CTIF: variants seen among roughly 807,000 people sequenced by gnomAD.
The protein encoded by CTIF is CBP80/20-dependent translation initiation factor.
Under a neutral mutation model 66.0 loss-of-function variants are expected in CTIF, and 21 were observed. The ratio of observed to expected loss-of-function variants is 0.32; its 90% CI spans 0.23 to 0.46. The LOEUF is 0.46. Among genes scored for constraint, CTIF ranks in the 20% least tolerant of loss-of-function variants. The pLI is 1.00. For synonymous variants in CTIF, 345 were observed against 326.4 expected, an observed-to-expected ratio of 1.06 and a Z score of -0.62; for missense variants, 739 against 812.7, an observed-to-expected ratio of 0.91 and a Z score of 1.10.
chr18:48,598,707 A>G (rs1442632062), intron 1 of CTIF, among the ~76,000 whole-genome samples: 1 of 152,218 alleles, frequency 6.6e-6, no homozygotes, highest in African/African-American at 2.4e-5. Flanking sequence ...AGAGGGTTCT[A>G]TAACAGCACG....
Position 48,705,335 on chromosome 18 carries a change from C to T in CTIF, c.508-6284C>T, listed in dbSNP as rs182578296. The stretch of plus-strand genomic sequence containing the variant: ...TCTGCCTCACTCCAAACACTGCCTC[C>T]GTCTTCACATGGCCTTCATCCCTCT... On this transcript the variant is annotated intron_variant, in intron 6 of 11. Transcript: ENST00000256413. 1.4e-3 allele frequency among the ~76,000 whole-genome samples: 208 copies of T among 152,312 alleles called. 1 individual carries two copies. Among genetic ancestry groups the T allele is most frequent in the African/African-American group, 4.7e-3 (194 of 41,572 alleles).
intron 1 of CTIF, among the ~76,000 whole-genome samples, chr18:48,615,759 A>G (rs1295107860): frequency 6.6e-6 from 1 of 152,176 alleles, no homozygotes; most frequent in African/African-American, 2.4e-5. Context: ...ACTGCAGAGG[A>G]AGCCTGGACA....
intron 8 of CTIF, among the ~76,000 whole-genome samples, chr18:48,759,581 C>T (rs188093448): frequency 7.0e-4 from 107 of 152,342 alleles, no homozygotes; most frequent in Non-Finnish European, 1.5e-4. Flanking sequence ...CCTCACTTTG[C>T]CTTTGACTGG....
At chr18:48,747,314 C>G (rs1026576242) in intron 7 of CTIF, among the ~76,000 whole-genome samples, 2 of 152,242 alleles carry the variant, frequency 1.3e-5, no homozygotes, top group Non-Finnish European at 2.9e-5. Context: ...GCCCCATCTT[C>G]TGCCCCAGCA....
chr18:48,541,123 C>T (rs2088606504), intron 1 of CTIF, among the ~76,000 whole-genome samples: 3 of 152,188 alleles, frequency 2.0e-5, no homozygotes, highest in Admixed American at 2.0e-4. Context: ...CCGCGCTCGC[C>T]GCCGCTGCCT....
chr18:48,683,801 G>T (rs573731462), intron 6 of CTIF, among the ~76,000 whole-genome samples: 1 of 152,212 alleles, frequency 6.6e-6, no homozygotes, highest in Non-Finnish European at 1.5e-5. Context: ...GCCTGGCCGG[G>T]ATCCAGGGAG....
At chr18:48,818,054 T>C (rs962402314) in intron 10 of CTIF, among the ~76,000 whole-genome samples, 1 of 152,236 alleles carries the variant, frequency 6.6e-6, no homozygotes, top group Non-Finnish European at 1.5e-5. Flanking sequence ...CATATTTTCT[T>C]CTAAATTTCA....
chr18:48,856,195 G>A (rs1036582835), intron 10 of CTIF, among the ~76,000 whole-genome samples: 2 of 152,204 alleles, frequency 1.3e-5, no homozygotes, highest in African/African-American at 4.8e-5. Flanking sequence ...TCAGGCACTC[G>A]GTGTCAGCAC....
At chr18:48,767,871 C>G (rs1170003304) in intron 9 of CTIF, among the ~76,000 whole-genome samples, 3 of 152,178 alleles carry the variant, frequency 2.0e-5, no homozygotes, top group Admixed American at 2.0e-4. Context: ...AGTGGTGACT[C>G]TGTGGGATCT....
At chr18:48,679,121 A>G (rs2091696185) in intron 6 of CTIF, among the ~76,000 whole-genome samples, 1 of 152,246 alleles carries the variant, frequency 6.6e-6, no homozygotes. Flanking sequence ...TCTGAGAGTT[A>G]AAACAGGTGG....
At chr18:48,722,273 T>G (rs1037732237) in intron 7 of CTIF, among the ~76,000 whole-genome samples, 2 of 144,750 alleles carry the variant, frequency 1.4e-5, no homozygotes, top group Non-Finnish European at 3.0e-5. Flanking sequence ...GGAGTTGCAG[T>G]GGCACAATTA....
Position 48,859,364 on chromosome 18 carries a change from G to C in CTIF, c.1602G>C (p.Leu534=), listed in dbSNP as rs2069405195. 6.2e-7 allele frequency: 1 copy of C among 1,614,082 alleles called. No individual in the cohort carries two copies. Among genetic ancestry groups the C allele is most frequent in the Non-Finnish European group, 8.5e-7 (1 of 1,180,026 alleles). Residue 534 remains leucine, a synonymous_variant, in exon 12 of 12, where the codon CTG becomes CTC. Coordinates refer to ENST00000256413, the MANE Select transcript of CTIF (RefSeq NM_014772.3). ...CSMELQSTGR[L]LEEQLPEMMT... is the part of the protein sequence containing the mutation. ...TGCAGCTGCAGAGTACAGGCCGGCT[G>C]CTGGAGGAACAGCTGCCTGAGATGA...
chr18:48,787,219 G>A (rs997829036), intron 9 of CTIF, among the ~76,000 whole-genome samples: 1 of 152,192 alleles, frequency 6.6e-6, no homozygotes, highest in African/African-American at 2.4e-5. Flanking sequence ...ATAGGGCAAA[G>A]GAGGGGCCCA....
intron 9 of CTIF, among the ~76,000 whole-genome samples, chr18:48,794,414 C>T (rs928258083): frequency 1.3e-5 from 2 of 151,978 alleles, no homozygotes; most frequent in Admixed American, 6.6e-5. Context: ...AGCTAAGGGC[C>T]TCAGCTAAAC....
rs376890397 is a variant in CTIF, at chr18:48,811,422, T to C, written c.1372-5799T>C. Among the ~76,000 whole-genome samples the C allele has an allele frequency of 3.3e-5, 5 of 152,288 alleles. No individual in the cohort carries two copies. In the East Asian group the frequency reaches 9.6e-4, roughly 29 times the overall value. ...TATTTTTTATTATTTTTAATTGTAGTTTTAAAATAACATAAAATATACTAT... is the reference window on the plus strand; with the variant it reads ...TATTTTTTATTATTTTTAATTGTAGCTTTAAAATAACATAAAATATACTAT... On this transcript the variant is annotated intron_variant, in intron 9 of 11. Transcript: ENST00000256413.
chr18:48,632,309 C>T (rs2090733560), intron 2 of CTIF, among the ~76,000 whole-genome samples: 1 of 152,176 alleles, frequency 6.6e-6, no homozygotes, highest in Non-Finnish European at 1.5e-5. Context: ...CACTTCACTC[C>T]TCCCCATTTA....
At chr18:48,817,753 C>T (rs141657346) in intron 10 of CTIF, among the ~76,000 whole-genome samples, 2,599 of 149,512 alleles carry the variant, frequency 0.017, 81 homozygotes, top group African/African-American at 0.06. Context: ...CCAGCCTGGG[C>T]GACAGAGCGA....
At chr18:48,783,541 G>A (rs1911438543) in intron 9 of CTIF, among the ~76,000 whole-genome samples, 2 of 152,278 alleles carry the variant, frequency 1.3e-5, no homozygotes, top group Admixed American at 6.5e-5. Flanking sequence ...GCACTGAGGA[G>A]CCCGGGGATA....
At chr18:48,616,285 C>T (rs58200449) in intron 1 of CTIF, among the ~76,000 whole-genome samples, 3,237 of 152,344 alleles carry the variant, frequency 0.021, 123 homozygotes, top group African/African-American at 0.071. Context: ...CTCTGGACAT[C>T]GGCGGTTTTA....
Sources: gnomAD v4.1 joint callset for allele counts (sites outside exome capture counted in the v4.1 genomes callset) on GRCh38, gnomAD v4.1.1 for gene constraint, MANE v1.5 for transcripts, NCBI Gene and HGNC (gene_info 2026-07-23, HGNC 2026-07-21) for gene names.